Variants in EIF3J observed in about 807,000 individuals in gnomAD.
EIF3J encodes the protein eukaryotic translation initiation factor 3, subunit 1 (alpha, 35kD).
In EIF3J, 15 loss-of-function variants were observed where a neutral mutation model predicts 39.0. The ratio of observed to expected loss-of-function variants is 0.38; its 90% CI spans 0.26 to 0.59. The LOEUF (loss-of-function observed/expected upper bound fraction) is 0.59. EIF3J is among the 20% of genes least tolerant of loss of function. The pLI is 0.60. For synonymous variants in EIF3J, 98 were observed against 112.9 expected (o/e 0.87, Z 0.84); for missense variants, 226 against 308.6 (o/e 0.73, Z 2.00).
chr15:44,551,358 A>G (rs979490627), intron 3 of EIF3J, 73 bp from the exon 4 acceptor site: 7 of 968,124 alleles, frequency 7.2e-6, no homozygotes, highest in Non-Finnish European at 1.1e-5. Flanking sequence ...ATAGTATACA[A>G]GTATCATGTC....
chr15:44,554,860 G>C (rs752372866), intron 5 of EIF3J, among the ~76,000 whole-genome samples, 193 bp downstream of exon 5: 3 of 152,180 alleles, frequency 2.0e-5, no homozygotes, highest in Non-Finnish European at 4.4e-5. Flanking sequence ...TTGAGTAAAA[G>C]ATTATTAAGA....
At chr15:44,544,309 G>T (rs1314008943) in intron 2 of EIF3J, among the ~76,000 whole-genome samples, 1 of 151,386 alleles carries the variant, frequency 6.6e-6, no homozygotes, top group Admixed American at 6.6e-5. Context: ...TGTTGGCCAG[G>T]CTGGTCTTGA....
At chr15:44,540,153 G>T (rs1212119343) in intron 2 of EIF3J, among the ~76,000 whole-genome samples, 1 of 147,594 alleles carries the variant, frequency 6.8e-6, no homozygotes, top group Non-Finnish European at 1.5e-5. Flanking sequence ...TGGCCAGGCC[G>T]GTCTTGAACT....
chr15:44,541,949 T>C lies in EIF3J; in HGVS notation c.147+4522T>C, dbSNP rs914105055. On this transcript the variant is annotated intron_variant, in intron 2 of 7. Coordinates refer to ENST00000261868, the MANE Select transcript of EIF3J (RefSeq NM_003758.4). ...TTTGAATTAGGAAGCATGTTTGTTA[T>C]TGAAAAATATTTTCTTGTCATGATG... Among the ~76,000 whole-genome samples, 5 of 152,242 alleles carry C rather than the reference T, an allele frequency of 3.3e-5. No homozygotes were observed. The East Asian group carries it at 9.6e-4, about 29-fold the overall frequency.
chr15:44,557,747 A>C (rs1326660540), intron 6 of EIF3J, 97 bp downstream of exon 6: 1 of 913,642 alleles, frequency 1.1e-6, no homozygotes, highest in Non-Finnish European at 1.5e-6. Flanking sequence ...AGGATACTAT[A>C]ATACAGACTC....
intron 2 of EIF3J, among the ~76,000 whole-genome samples, chr15:44,549,430 A>T (rs1468219409): frequency 1.3e-5 from 2 of 151,986 alleles, no homozygotes; most frequent in Non-Finnish European, 2.9e-5. Flanking sequence ...CAAAAAAACA[A>T]GAAAAGACTT....
intron 2 of EIF3J, among the ~76,000 whole-genome samples, chr15:44,548,896 C>T (rs1306785377): frequency 1.3e-5 from 2 of 151,656 alleles, no homozygotes; most frequent in African/African-American, 4.8e-5. Flanking sequence ...AACCATAGCC[C>T]AGGGAAAAAA....
At chr15:44,538,899 A>G (rs572205037) in intron 2 of EIF3J, among the ~76,000 whole-genome samples, 1 of 152,356 alleles carries the variant, frequency 6.6e-6, no homozygotes, top group Admixed American at 6.5e-5. Flanking sequence ...ATGCAGAGAA[A>G]AGATTAGAGA....
At position 44,560,235 on chromosome 15, in the gene EIF3J, CTT is replaced by C; in HGVS notation, c.572-5_572-4del. 2.2e-6 allele frequency: 3 copies of C among 1,337,142 alleles called. No individual in the cohort carries two copies. Among genetic ancestry groups the C allele is most frequent in the Middle Eastern group, 2.0e-4 (1 of 4,904 alleles). The allele number at this position is 1,337,142 out of a possible 1,614,324, so 82.8% of individuals were successfully genotyped here. A position where few individuals can be genotyped will look rare whatever the true frequency, so the allele number is the denominator to read the frequency against. ...AAAAATTCAAGTTTAATGGTATGCC[CTT>C]TTTTTTTTAAGTGGAAATTGATGAC... On this transcript the variant is annotated splice_polypyrimidine_tract_variant and intron_variant, in intron 6 of 7. Transcript: ENST00000261868.
At chr15:44,550,500 G>C (rs977759850) in intron 2 of EIF3J, among the ~76,000 whole-genome samples, 2 of 150,786 alleles carry the variant, frequency 1.3e-5, no homozygotes, top group African/African-American at 2.4e-5. Flanking sequence ...GGGTCTTGCC[G>C]ATAGGTTTTT....
intron 2 of EIF3J, chr15:44,550,661 C>T: frequency 2.4e-6 from 1 of 421,146 alleles, no homozygotes; most frequent in Non-Finnish European, 4.3e-6. Flanking sequence ...CTGAAAGGTA[C>T]AAAAATGTAC....
chr15:44,555,836 TA>T (rs1323866334), intron 5 of EIF3J, among the ~76,000 whole-genome samples: 1 of 152,196 alleles, frequency 6.6e-6, no homozygotes, highest in Non-Finnish European at 1.5e-5. Flanking sequence ...GAAGCATACT[TA>T]TCTTAGTGTA....
At chr15:44,557,339 T>G in intron 5 of EIF3J, 150 bp from the exon 6 acceptor site, 4 of 435,496 alleles carry the variant, frequency 9.2e-6, no homozygotes, top group Non-Finnish European at 3.9e-6. Context: ...CACCCAGCCA[T>G]TCTATCCAGT....
intron 6 of EIF3J, among the ~76,000 whole-genome samples, chr15:44,558,483 C>A (rs78617338): frequency 1.1e-4 from 17 of 150,356 alleles, no homozygotes; most frequent in Admixed American, 8.0e-4. Flanking sequence ...GAGCTGAGAT[C>A]GTGCCACCGC....
chr15:44,553,258 C>T (rs1471337006), intron 4 of EIF3J, among the ~76,000 whole-genome samples: 2 of 151,494 alleles, frequency 1.3e-5, no homozygotes, highest in East Asian at 2.0e-4. Context: ...TTTGGGAGGC[C>T]GAGGCAGGCA....
intron 2 of EIF3J, among the ~76,000 whole-genome samples, chr15:44,540,015 C>T (rs890312768): frequency 1.3e-5 from 2 of 149,048 alleles, no homozygotes; most frequent in African/African-American, 4.9e-5. Context: ...TCTTGGCTCA[C>T]TGCAACCTCC....
intron 2 of EIF3J, among the ~76,000 whole-genome samples, chr15:44,549,399 AAAC>A (rs2082080216): frequency 6.6e-6 from 1 of 152,046 alleles, no homozygotes; most frequent in Non-Finnish European, 1.5e-5. Flanking sequence ...CTCAAAAACA[AAAC>A]AAAACAAAAC....
At chr15:44,553,501 AAAG>A (rs1464767083) in intron 4 of EIF3J, among the ~76,000 whole-genome samples, 1 of 152,140 alleles carries the variant, frequency 6.6e-6, no homozygotes, top group Middle Eastern at 3.2e-3. Context: ...CAAAAAAAAA[AAAG>A]AAAAAATAAT....
chr15:44,551,835 GTT>G (rs576307927), intron 4 of EIF3J, among the ~76,000 whole-genome samples: 3 of 142,994 alleles, frequency 2.1e-5, no homozygotes, highest in Admixed American at 7.0e-5. Context: ...GTTGTTTTTT[GTT>G]TTTTTTTTTT....
Sources: allele counts gnomAD v4.1 joint callset (sites outside exome capture counted in the v4.1 genomes callset), GRCh38; gene constraint gnomAD v4.1.1; transcripts MANE v1.5; gene names NCBI Gene and HGNC (gene_info 2026-07-23, HGNC 2026-07-21).